KCNQ1OT1: variants seen among roughly 807,000 people sequenced by gnomAD.
KCNQ1OT1 encodes the protein KCNQ1 antisense RNA 2 (non-protein coding).
In KCNQ1OT1 at chr11:2,674,325, C is replaced by T. The variant is rs565429173; in HGVS notation, n.25670G>A. 22 of 398,602 alleles carry T rather than the reference C, an allele frequency of 5.5e-5. No homozygotes were observed. Among genetic ancestry groups the T allele is most frequent in the African/African-American group, 3.9e-4 (19 of 48,620 alleles). 24.7% of individuals were successfully genotyped at this position (398,602 alleles called of 1,614,324 possible). On this transcript the variant is annotated non_coding_transcript_exon_variant, in exon 1 of 1. Coordinates refer to ENST00000597346, the Ensembl canonical transcript of KCNQ1OT1. The surrounding 1 kb of genome is among the most constrained non-coding windows in gnomAD (Gnocchi z 5.9). ...GCCGTAGAGCTGGAGGCCAAGGACACCCTCTGGAAATCTGAATTCCATTCG... is the reference window on the plus strand; with the variant it reads ...GCCGTAGAGCTGGAGGCCAAGGACATCCTCTGGAAATCTGAATTCCATTCG...
At position 2,688,337 on chromosome 11, in the gene KCNQ1OT1, G is replaced by A; in HGVS notation, n.11658C>T. 5.0e-6 allele frequency: 2 copies of A among 398,784 alleles called. 1 individual carries two copies. The highest frequency in any genetic ancestry group is 8.8e-6 in the Non-Finnish European group (2 of 226,166). The allele number at this position is 398,784 out of a possible 1,614,324, so 24.7% of individuals were successfully genotyped here. A position where few individuals can be genotyped will look rare whatever the true frequency, so the allele number is the denominator to read the frequency against. On this transcript the variant is annotated non_coding_transcript_exon_variant, in exon 1 of 1. Transcript: ENST00000597346. Reference sequence around the variant, plus strand: ...GCACGTCACACACACAGCTTCCATGGGGGTCTTCCTCTCGTGTCTGGGGAA... The same window carrying A: ...GCACGTCACACACACAGCTTCCATGAGGGTCTTCCTCTCGTGTCTGGGGAA...
exon 1 of KCNQ1OT1, chr11:2,666,891 C>G (rs1207018679): frequency 2.5e-6 from 1 of 398,662 alleles, no homozygotes; most frequent in Non-Finnish European, 4.4e-6. Context: ...ACCATTTTGT[C>G]TTTCTAGACC....
At position 2,677,037 on chromosome 11, in the gene KCNQ1OT1, T is replaced by A. The variant is rs540596900; in HGVS notation, n.22958A>T. The A allele has an allele frequency of 3.0e-5, 12 of 398,650 alleles. 1 individual carries two copies. The East Asian group carries it at 4.3e-4, about 14-fold the overall frequency. The allele number at this position is 398,650 out of a possible 1,614,324, so 24.7% of individuals were successfully genotyped here. The stretch of plus-strand genomic sequence containing the variant: ...ATGGAACAGATCCTCTGTTGATGGA[T>A]ATGTAGGGCAGCTAAAAAACAGCAG... On this transcript the variant is annotated non_coding_transcript_exon_variant, in exon 1 of 1. Transcript: ENST00000597346. This position sits in a 1 kb window ranked among gnomAD's most constrained non-coding sequence, Gnocchi z 4.5.
chr11:2,688,773 A>G, exon 1 of KCNQ1OT1: 1 of 398,592 alleles, frequency 2.5e-6, no homozygotes. Flanking sequence ...CACCTATACC[A>G]CACCTATATA....
chr11:2,649,757 A>C (rs1367964199), exon 1 of KCNQ1OT1: 2 of 398,524 alleles, frequency 5.0e-6, no homozygotes, highest in Non-Finnish European at 8.8e-6. Flanking sequence ...AGTTTGATGA[A>C]AATGTGCCTC....
At position 2,620,213 on chromosome 11, in the gene KCNQ1OT1, T is replaced by A. The variant is rs11023499; in HGVS notation, n.79782A>T. 0.59 allele frequency: 145,363 copies of A among 245,934 alleles called. 38,384 individuals carry two copies. Among genetic ancestry groups the A allele is most frequent in the East Asian group, 0.75 (10,602 of 14,158 alleles). 15.2% of individuals were successfully genotyped at this position (245,934 alleles called of 1,614,324 possible). A position where few individuals can be genotyped will look rare whatever the true frequency, so the allele number is the denominator to read the frequency against. ...AGTTCATTCATGTATATATATATAT[T>A]TTTTTTTTTTATTTTTTTTTTAGAC... On this transcript the variant is annotated non_coding_transcript_exon_variant, in exon 1 of 1. Coordinates refer to ENST00000597346, the Ensembl canonical transcript of KCNQ1OT1. This position sits in a 1 kb window ranked among gnomAD's most constrained non-coding sequence, Gnocchi z 4.5.
At chr11:2,688,401 G>C (rs371336201) in exon 1 of KCNQ1OT1, 1 of 398,640 alleles carries the variant, frequency 2.5e-6, no homozygotes, top group Admixed American at 4.4e-5. Flanking sequence ...ATCCTTTGCT[G>C]ATCCTCTGTG....
In KCNQ1OT1 at chr11:2,651,287, T is replaced by C; in HGVS notation, n.48708A>G. The C allele has an allele frequency of 2.5e-6, 1 of 398,696 alleles. No individual in the cohort carries two copies. Among genetic ancestry groups the C allele is most frequent in the Non-Finnish European group, 4.4e-6 (1 of 226,094 alleles). 24.7% of individuals were successfully genotyped at this position (398,696 alleles called of 1,614,324 possible). On this transcript the variant is annotated non_coding_transcript_exon_variant, in exon 1 of 1. Transcript: ENST00000597346. The surrounding 1 kb of genome is among the most constrained non-coding windows in gnomAD (Gnocchi z 6.1). ...GGTCACTTATTGAGAAAGAGCTTCA[T>C]GGTGGGCAGCTGGGAAGCTGCACAG...
At chr11:2,628,798 G>A (rs1043116977) in exon 1 of KCNQ1OT1, 4 of 398,206 alleles carry the variant, frequency 1.0e-5, no homozygotes, top group African/African-American at 2.1e-5. Context: ...TCTCTACAGT[G>A]TAGGGTAAGG....
rs904502152 is a variant in KCNQ1OT1, at chr11:2,687,074, A to C, written n.12921T>G. The stretch of plus-strand genomic sequence containing the variant: ...GGGACAAGGACCCACAAAGTGATGC[A>C]AGATATCCTGAGTTGGGTGTGACAA... On this transcript the variant is annotated non_coding_transcript_exon_variant, in exon 1 of 1. Transcript: ENST00000597346. The surrounding 1 kb of genome is among the most constrained non-coding windows in gnomAD (Gnocchi z 5.0). 1.1e-4 allele frequency: 43 copies of C among 398,538 alleles called. 1 individual carries two copies. Among genetic ancestry groups the C allele is most frequent in the Non-Finnish European group, 1.8e-4 (41 of 226,088 alleles). 24.7% of individuals were successfully genotyped at this position (398,538 alleles called of 1,614,324 possible). A position where few individuals can be genotyped will look rare whatever the true frequency, so the allele number is the denominator to read the frequency against.
exon 1 of KCNQ1OT1, chr11:2,614,766 G>A (rs1849034622): frequency 2.5e-6 from 1 of 398,276 alleles, no homozygotes; most frequent in African/African-American, 2.1e-5. Flanking sequence ...ACCACATTGT[G>A]TCAGTACCAC....
Position 2,620,185 on chromosome 11 carries a change from G to GT in KCNQ1OT1, n.79809dup. ...CTGCATCCATGTTGCTGCAAAGGAC[G>GT]TAAGTTCATTCATGTATATATATAT... On this transcript the variant is annotated non_coding_transcript_exon_variant, in exon 1 of 1. Transcript: ENST00000597346. This position sits in a 1 kb window ranked among gnomAD's most constrained non-coding sequence, Gnocchi z 4.5. 1 of 387,658 alleles carries GT rather than the reference G, an allele frequency of 2.6e-6. No individual in the cohort carries two copies. The highest frequency in any genetic ancestry group is 3.7e-5 in the East Asian group (1 of 27,278). The allele number at this position is 387,658 out of a possible 1,614,324, so 24.0% of individuals were successfully genotyped here. A position where few individuals can be genotyped will look rare whatever the true frequency, so the allele number is the denominator to read the frequency against.
At chr11:2,689,629 A>G (rs930403046) in exon 1 of KCNQ1OT1, 13 of 398,582 alleles carry the variant, frequency 3.3e-5, no homozygotes, top group Non-Finnish European at 2.7e-5. Context: ...GGAACAAAAC[A>G]AGCCAGCAGG....
At chr11:2,649,706 G>C in exon 1 of KCNQ1OT1, 1 of 398,508 alleles carries the variant, frequency 2.5e-6, no homozygotes. Flanking sequence ...GTGACTTCAT[G>C]CTTCTCTCTT....
chr11:2,645,803 G>A lies in KCNQ1OT1; in HGVS notation n.54192C>T, dbSNP rs1849657018. Reference sequence around the variant, plus strand: ...GCAGATGCAGTCTGGTGGGGGTTGGGCTATCAAAATGGGACTTTCCTGAAG... The same window carrying A: ...GCAGATGCAGTCTGGTGGGGGTTGGACTATCAAAATGGGACTTTCCTGAAG... On this transcript the variant is annotated non_coding_transcript_exon_variant, in exon 1 of 1. Coordinates refer to ENST00000597346, the Ensembl canonical transcript of KCNQ1OT1. The surrounding 1 kb of genome is among the most constrained non-coding windows in gnomAD (Gnocchi z 5.8). 1 of 398,714 alleles carries A rather than the reference G, an allele frequency of 2.5e-6. No homozygotes were observed. Among genetic ancestry groups the A allele is most frequent in the Non-Finnish European group, 4.4e-6 (1 of 226,158 alleles). The allele number at this position is 398,714 out of a possible 1,614,324, so 24.7% of individuals were successfully genotyped here. A position where few individuals can be genotyped will look rare whatever the true frequency, so the allele number is the denominator to read the frequency against.
Position 2,670,081 on chromosome 11 carries a change from G to A in KCNQ1OT1, n.29914C>T, listed in dbSNP as rs920818689. The A allele has an allele frequency of 7.5e-6, 3 of 398,596 alleles. No individual in the cohort carries two copies. Among genetic ancestry groups the A allele is most frequent in the Non-Finnish European group, 1.3e-5 (3 of 226,150 alleles). The allele number at this position is 398,596 out of a possible 1,614,324, so 24.7% of individuals were successfully genotyped here. On this transcript the variant is annotated non_coding_transcript_exon_variant, in exon 1 of 1. Coordinates refer to ENST00000597346, the Ensembl canonical transcript of KCNQ1OT1. This position sits in a 1 kb window ranked among gnomAD's most constrained non-coding sequence, Gnocchi z 4.9. Reference sequence around the variant, plus strand: ...TGCTCTGGGGAGGGGGTTGGAGGCAGAATCAGTGGACTGTGTCTCATGGCA... The same window carrying A: ...TGCTCTGGGGAGGGGGTTGGAGGCAAAATCAGTGGACTGTGTCTCATGGCA...
chr11:2,631,097 C>A, exon 1 of KCNQ1OT1: 1 of 398,544 alleles, frequency 2.5e-6, no homozygotes. Flanking sequence ...CTTTGAGCTT[C>A]ATGTACCTAG....
rs1294742019 is a variant in KCNQ1OT1 at position 2,651,353 on chromosome 11, G to C, written n.48642C>G. ...TCTACAAGCGGCTGAGAGAGCTGGG[G>C]TATTTATCTTTCACTAGTGAGTGCT... On this transcript the variant is annotated non_coding_transcript_exon_variant, in exon 1 of 1. Coordinates refer to ENST00000597346, the Ensembl canonical transcript of KCNQ1OT1. This position sits in a 1 kb window ranked among gnomAD's most constrained non-coding sequence, Gnocchi z 6.1. 4 of 398,608 alleles carry C rather than the reference G, an allele frequency of 1.0e-5. No individual in the cohort carries two copies. Among genetic ancestry groups the C allele is most frequent in the African/African-American group, 6.2e-5 (3 of 48,644 alleles). 24.7% of individuals were successfully genotyped at this position (398,608 alleles called of 1,614,324 possible).
chr11:2,653,405 T>C lies in KCNQ1OT1; in HGVS notation n.46590A>G. The C allele has an allele frequency of 2.5e-6, 1 of 398,752 alleles. No homozygotes were observed. 24.7% of individuals were successfully genotyped at this position (398,752 alleles called of 1,614,324 possible). The stretch of plus-strand genomic sequence containing the variant: ...TGAAGACTCTCTTGGTAACAAATGA[T>C]GGAACCCCAACTCAAACAAGCTTAA... On this transcript the variant is annotated non_coding_transcript_exon_variant, in exon 1 of 1. Transcript: ENST00000597346. The surrounding 1 kb of genome is among the most constrained non-coding windows in gnomAD (Gnocchi z 5.3).
Sources: gnomAD v4.1 joint callset for allele counts on GRCh38, gnomAD v4.1.1 for gene constraint, Gnocchi (gnomAD v3.1) non-coding constraint, MANE v1.5 for transcripts, NCBI Gene and HGNC (gene_info 2026-07-23, HGNC 2026-07-21) for gene names.